MED13: variants seen among roughly 807,000 people sequenced by gnomAD.
MED13 encodes mediator complex subunit 13, also known as mediator of RNA polymerase II transcription subunit 13.
MED13 carries 23 observed loss-of-function variants against 225.2 expected under a neutral mutation model. The observed-to-expected ratio is 0.10, with a 90% CI of 0.07 to 0.14. MED13 has a LOEUF of 0.14. Ranked by LOEUF, MED13 falls within the 10% of genes least tolerant of loss-of-function variation. The pLI is 1.00. For missense variants in MED13, 2,197 were observed against 2,594.5 expected (o/e 0.85, Z 3.33); for synonymous variants, 942 against 889.2 (o/e 1.06, Z -1.06).
chr17:61,989,492 C>T (rs746476984), intron 11 of MED13, among the ~76,000 whole-genome samples: 19 of 152,162 alleles, frequency 1.2e-4, no homozygotes, highest in Non-Finnish European at 2.5e-4. Context: ...GTGCACGCCA[C>T]CACACCTGGC....
At chr17:62,023,305 G>T (rs2080667818) in intron 8 of MED13, among the ~76,000 whole-genome samples, 1 of 152,064 alleles carries the variant, frequency 6.6e-6, no homozygotes, top group Admixed American at 6.5e-5. Context: ...ATTCACTATA[G>T]AGAACCGGTT....
intron 9 of MED13, among the ~76,000 whole-genome samples, chr17:61,996,407 G>A (rs983962569): frequency 2.6e-5 from 4 of 152,110 alleles, no homozygotes; most frequent in African/African-American, 7.2e-5. Context: ...ATCTTGCAAT[G>A]ACTATTTCAC....
intron 4 of MED13, among the ~76,000 whole-genome samples, chr17:62,034,986 T>C (rs1221531127): frequency 6.6e-6 from 1 of 152,034 alleles, no homozygotes. Flanking sequence ...CCAGGCTTGG[T>C]GGAACGCGCC....
intron 18 of MED13, among the ~76,000 whole-genome samples, chr17:61,966,981 G>A (rs2080064624): frequency 1.3e-5 from 2 of 151,908 alleles, no homozygotes; most frequent in African/African-American, 2.4e-5. Flanking sequence ...AGACATAAGT[G>A]AGCATAAAAA....
At chr17:62,025,540 C>T (rs1178100818) in intron 8 of MED13, among the ~76,000 whole-genome samples, 1 of 152,024 alleles carries the variant, frequency 6.6e-6, no homozygotes, top group Non-Finnish European at 1.5e-5. Context: ...TATGGTGGCG[C>T]GTGCCTATAG....
chr17:61,993,756 C>T (rs950009631), intron 10 of MED13, among the ~76,000 whole-genome samples: 2 of 151,740 alleles, frequency 1.3e-5, no homozygotes, highest in African/African-American at 2.4e-5. Context: ...ATGGAGAAAT[C>T]TCGTCTCTAC....
intron 9 of MED13, among the ~76,000 whole-genome samples, chr17:61,996,452 A>G (rs1399479324): frequency 1.4e-4 from 22 of 152,160 alleles, no homozygotes; most frequent in Non-Finnish European, 3.2e-4. Context: ...ATACCATCCT[A>G]TGAAAACTTC....
chr17:62,061,942 T>C (rs1007981430), intron 2 of MED13, among the ~76,000 whole-genome samples: 2 of 152,236 alleles, frequency 1.3e-5, no homozygotes, highest in South Asian at 2.1e-4. Context: ...CTGGAGAGTA[T>C]GTTCATTAGA....
chr17:62,058,365 A>C (rs1017676541), intron 2 of MED13, among the ~76,000 whole-genome samples: 2 of 152,046 alleles, frequency 1.3e-5, no homozygotes, highest in Admixed American at 1.3e-4. Flanking sequence ...TACCAAAAAT[A>C]CAAAAATTAG....
At chr17:61,969,956 AG>A (rs1467188262) in intron 17 of MED13, among the ~76,000 whole-genome samples, 8 of 152,190 alleles carry the variant, frequency 5.3e-5, no homozygotes, top group Admixed American at 3.9e-4. Context: ...ACAACCTAAT[AG>A]AAAAATGGGT....
intron 19 of MED13, 50 bp downstream of exon 19, chr17:61,966,412 G>A (rs2080058519): frequency 5.0e-6 from 7 of 1,400,884 alleles, no homozygotes; most frequent in African/African-American, 1.4e-5. Flanking sequence ...TGGTGGAGCA[G>A]GCCACATTTT....
intron 5 of MED13, 23 bp from the exon 6 acceptor site, chr17:62,031,661 G>C: frequency 6.7e-7 from 1 of 1,493,790 alleles, no homozygotes; most frequent in Non-Finnish European, 9.0e-7. Context: ...AAATGGGACA[G>C]GAAAACCAAT....
chr17:61,995,343 G>A lies in MED13; in HGVS notation c.1990C>T (p.Pro664Ser), dbSNP rs550825478. ...VTELMVQCKK[P>S]LKVSDELVQQ... ...ACTAATTCATCAGAAACTTTTAAAG[G>A]TTTCTTACATTGCACCATTAACCTG... The change falls in exon 10 of 30, where the codon CCT becomes TCT. Residue 664 changes from proline to serine, a missense_variant. Physicochemically the swap from Pro to Ser is moderately conservative, Grantham distance 74. Around this residue, in one of 12 missense-constraint regions of MED13, gnomAD observed 884 missense variants for 918.5 expected, o/e 0.96. Coordinates refer to ENST00000397786, the MANE Select transcript of MED13 (RefSeq NM_005121.3). The A allele has an allele frequency of 6.2e-7, 1 of 1,610,796 alleles. No homozygotes were observed. Among genetic ancestry groups the A allele is most frequent in the Non-Finnish European group, 8.5e-7 (1 of 1,179,056 alleles).
intron 8 of MED13, among the ~76,000 whole-genome samples, chr17:62,014,101 C>T (rs1026307606): frequency 1.3e-5 from 2 of 151,816 alleles, no homozygotes; most frequent in African/African-American, 4.8e-5. Context: ...GGCTGATCCC[C>T]ACCTAATCAA....
chr17:62,009,368 A>C (rs1456404710), intron 9 of MED13, among the ~76,000 whole-genome samples: 2 of 152,234 alleles, frequency 1.3e-5, no homozygotes, highest in Non-Finnish European at 2.9e-5. Flanking sequence ...ATTAATACCC[A>C]GAGCATGCAA....
At chr17:62,050,495 T>G (rs1388703268) in intron 3 of MED13, among the ~76,000 whole-genome samples, 1 of 150,958 alleles carries the variant, frequency 6.6e-6, no homozygotes, top group Admixed American at 6.6e-5. Flanking sequence ...TAGGCTGTTG[T>G]GACCAAAAAA....
intron 11 of MED13, among the ~76,000 whole-genome samples, chr17:61,987,770 G>A (rs892452964): frequency 2.0e-5 from 3 of 151,298 alleles, no homozygotes; most frequent in Non-Finnish European, 2.9e-5. Context: ...TTTTTTTTGA[G>A]ACGGGGTCTC....
chr17:62,027,829 GATC>G (rs1226684267), intron 8 of MED13, among the ~76,000 whole-genome samples: 1 of 152,152 alleles, frequency 6.6e-6, no homozygotes, highest in Non-Finnish European at 1.5e-5. Flanking sequence ...CAACATCACT[GATC>G]ATTAGAGAAA....
intron 9 of MED13, chr17:62,005,998 A>C (rs1212681904): frequency 2.0e-5 from 3 of 152,210 alleles, no homozygotes; most frequent in Non-Finnish European, 4.4e-5. Context: ...ATTTTAACAG[A>C]GAATAAATCT....
Sources: allele counts gnomAD v4.1 joint callset (sites outside exome capture counted in the v4.1 genomes callset), GRCh38; gene constraint gnomAD v4.1.1; regional missense constraint gnomAD v4.1.1; transcripts MANE v1.5; gene names NCBI Gene and HGNC (gene_info 2026-07-23, HGNC 2026-07-21).